The following PTPRK variants were observed in gnomAD, a reference collection of about 807,000 sequenced individuals.
PTPRK encodes protein tyrosine phosphatase receptor type K.
Under a neutral mutation model 178.0 loss-of-function variants are expected in PTPRK, and 75 were observed. That is an observed-to-expected ratio of 0.42 (90% CI 0.35 to 0.51). The LOEUF is 0.51. PTPRK is among the 20% of genes least tolerant of loss of function. The pLI, the probability that PTPRK is intolerant of heterozygous loss-of-function variation, is 0.02. For synonymous variants in PTPRK, 637 were observed against 620.6 expected (o/e 1.03, Z -0.39); for missense variants, 1,441 against 1,797.8 (o/e 0.80, Z 3.59).
chr6:128,091,959 GATTT>G (rs1285787809), intron 7 of PTPRK, among the ~76,000 whole-genome samples: 1 of 152,130 alleles, frequency 6.6e-6, no homozygotes. Flanking sequence ...GTGGGCAAAT[GATTT>G]ATTTATTATC....
At chr6:128,131,041 C>G (rs549841344) in intron 7 of PTPRK, among the ~76,000 whole-genome samples, 6 of 152,264 alleles carry the variant, frequency 3.9e-5, no homozygotes, top group African/African-American at 1.4e-4. Context: ...TCTCAGACAC[C>G]TTGTGCACCA....
intron 2 of PTPRK, among the ~76,000 whole-genome samples, chr6:128,386,897 A>G (rs1006663177): frequency 4.6e-5 from 7 of 152,038 alleles, no homozygotes; most frequent in Non-Finnish European, 8.8e-5. Flanking sequence ...GTGAAACTCC[A>G]TCTCTACTAA....
At chr6:128,123,640 T>C (rs1792840645) in intron 7 of PTPRK, among the ~76,000 whole-genome samples, 1 of 152,168 alleles carries the variant, frequency 6.6e-6, no homozygotes, top group Non-Finnish European at 1.5e-5. Flanking sequence ...TTCAGACTTA[T>C]TTAGATTTAC....
chr6:128,206,864 T>C (rs117432015), intron 6 of PTPRK, among the ~76,000 whole-genome samples: 2,152 of 152,278 alleles, frequency 0.014, 19 homozygotes, highest in South Asian at 0.033. Context: ...AGAAGACACA[T>C]GGAAAGTGAT....
intron 14 of PTPRK, among the ~76,000 whole-genome samples, chr6:128,006,995 T>C (rs993744605): frequency 4.0e-5 from 6 of 150,826 alleles, no homozygotes; most frequent in Non-Finnish European, 7.4e-5. Flanking sequence ...CTTAACAATT[T>C]CCCACTAAAA....
intron 5 of PTPRK, among the ~76,000 whole-genome samples, chr6:128,221,881 CA>C (rs374015470): frequency 4.6e-4 from 68 of 146,394 alleles, no homozygotes; most frequent in African/African-American, 9.5e-4. Flanking sequence ...CCACATAAAC[CA>C]AAAAAAAAAA....
At chr6:128,293,451 G>C (rs1321117687) in intron 3 of PTPRK, among the ~76,000 whole-genome samples, 1 of 152,030 alleles carries the variant, frequency 6.6e-6, no homozygotes, top group Non-Finnish European at 1.5e-5. Flanking sequence ...GTGTAGGCAG[G>C]TGCCCTCATG....
At chr6:128,093,456 G>T (rs1029487496) in intron 7 of PTPRK, among the ~76,000 whole-genome samples, 1 of 151,528 alleles carries the variant, frequency 6.6e-6, no homozygotes, top group Non-Finnish European at 1.5e-5. Context: ...TTAGCCAGGT[G>T]TAGTGGTGGA....
intron 3 of PTPRK, among the ~76,000 whole-genome samples, chr6:128,306,360 C>CA (rs1826375854): frequency 6.6e-6 from 1 of 151,864 alleles, no homozygotes; most frequent in Non-Finnish European, 1.5e-5. Context: ...TAAGTGAAAA[C>CA]AAAAATGCAA....
intron 3 of PTPRK, among the ~76,000 whole-genome samples, chr6:128,246,941 T>C (rs890314340): frequency 1.3e-5 from 2 of 152,200 alleles, no homozygotes; most frequent in African/African-American, 4.8e-5. Context: ...TTGGGGGAGA[T>C]GGGAAACCCT....
chr6:128,215,226 C>T (rs1410938420), intron 6 of PTPRK, among the ~76,000 whole-genome samples: 1 of 152,108 alleles, frequency 6.6e-6, no homozygotes, highest in Non-Finnish European at 1.5e-5. Flanking sequence ...CTTAGGTCAG[C>T]TGGTTCGAGA....
chr6:127,990,826 C>A lies in PTPRK; in HGVS notation c.3039G>T (p.Thr1013=). 6.2e-7 allele frequency: 1 copy of A among 1,612,316 alleles called. No individual in the cohort carries two copies. The highest frequency in any genetic ancestry group is 8.5e-7 in the Non-Finnish European group (1 of 1,178,726). The change falls in exon 21 of 30, where the codon ACG becomes ACT. Residue 1013 remains threonine, a synonymous_variant. Transcript: ENST00000368226. ...CAGCAAGTGGTTCCATTTCTACACA[C>A]GTTACTTTGAAGTCACCATAAACTT... The part of the protein sequence containing the change: ...DTEVYGDFKV[T]CVEMEPLAEY...
chr6:128,500,628 A>G (rs1292106777), intron 1 of PTPRK: 1 of 152,154 alleles, frequency 6.6e-6, no homozygotes, highest in East Asian at 1.9e-4. Flanking sequence ...TCTTTTTCCT[A>G]TTATATAACC....
intron 3 of PTPRK, among the ~76,000 whole-genome samples, chr6:128,269,611 T>G (rs544891517): frequency 1.3e-5 from 2 of 152,214 alleles, no homozygotes; most frequent in South Asian, 4.1e-4. Context: ...TAATGTCACC[T>G]TGCAGGGTGC....
At chr6:128,030,611 T>G (rs1775152232) in intron 13 of PTPRK, among the ~76,000 whole-genome samples, 1 of 152,178 alleles carries the variant, frequency 6.6e-6, no homozygotes, top group Admixed American at 6.5e-5. Context: ...ATCAAAGCCT[T>G]TATATGCGTG....
chr6:128,094,747 G>A (rs1178434327), intron 7 of PTPRK, among the ~76,000 whole-genome samples: 3 of 152,160 alleles, frequency 2.0e-5, no homozygotes, highest in East Asian at 3.9e-4. Context: ...AGAGAAAGAG[G>A]TCTAAGTGGA....
At chr6:128,295,124 AC>A (rs1824081903) in intron 3 of PTPRK, among the ~76,000 whole-genome samples, 1 of 152,150 alleles carries the variant, frequency 6.6e-6, no homozygotes, top group Non-Finnish European at 1.5e-5. Context: ...CATTTGAAAT[AC>A]AAACTATGCA....
chr6:128,170,139 T>C (rs1800022049), intron 7 of PTPRK, among the ~76,000 whole-genome samples: 1 of 152,006 alleles, frequency 6.6e-6, no homozygotes, highest in Non-Finnish European at 1.5e-5. Flanking sequence ...ACACAAAGCC[T>C]AATAAGAAAC....
Position 128,520,463 on chromosome 6 carries a change from G to A in PTPRK, c.-105C>T, listed in dbSNP as rs1858892220. 10 of 1,076,754 alleles carry A rather than the reference G, an allele frequency of 9.3e-6. No individual in the cohort carries two copies. 66.7% of individuals were successfully genotyped at this position (1,076,754 alleles called of 1,614,324 possible). ...GGCCGGGCCTCGCGGGGTGAGGACG[G>A]TGAGAGGACAGCCGCCCGCCCGCCC... is the stretch of plus-strand genomic sequence containing the variant. On this transcript the variant is annotated 5_prime_UTR_variant, in exon 1 of 30. Coordinates refer to ENST00000368226, the MANE Select transcript of PTPRK (RefSeq NM_002844.4).
Sources: gnomAD v4.1 joint callset for allele counts (sites outside exome capture counted in the v4.1 genomes callset) on GRCh38, gnomAD v4.1.1 for gene constraint, MANE v1.5 for transcripts, NCBI Gene and HGNC (gene_info 2026-07-23, HGNC 2026-07-21) for gene names.